RBM46: variants seen among roughly 807,000 people sequenced by gnomAD.
RBM46 encodes the protein probable RNA-binding protein 46.
Under a neutral mutation model 43.3 loss-of-function variants are expected in RBM46, and 12 were observed. That is an observed-to-expected ratio of 0.28 (90% CI 0.18 to 0.45). The LOEUF (loss-of-function observed/expected upper bound fraction) is 0.45, where lower values mean the gene tolerates loss of function less well. RBM46 is among the 20% of genes least tolerant of loss of function. The probability of loss-of-function intolerance (pLI) is 1.00; values close to 1 mark genes in which losing one functional copy is unlikely to be tolerated. For synonymous variants in RBM46, 205 were observed against 207.6 expected (o/e 0.99, Z 0.11); for missense variants, 412 against 639.1 (o/e 0.64, Z 3.83).
chr4:154,782,634 C>T (rs567638164), intron 1 of RBM46, among the ~76,000 whole-genome samples: 7 of 152,090 alleles, frequency 4.6e-5, no homozygotes, highest in African/African-American at 1.7e-4. Context: ...TACAGGCGCG[C>T]GCCACCACGC....
chr4:154,788,373 A>G (rs1733895061), intron 1 of RBM46, among the ~76,000 whole-genome samples: 1 of 152,188 alleles, frequency 6.6e-6, no homozygotes, highest in Non-Finnish European at 1.5e-5. Context: ...ATAAGGTGTA[A>G]GGAAGGGATC....
At chr4:154,822,643 G>T (rs1269159612) in intron 4 of RBM46, among the ~76,000 whole-genome samples, 2 of 151,456 alleles carry the variant, frequency 1.3e-5, no homozygotes, top group Admixed American at 1.3e-4. Context: ...GTTAGTTATG[G>T]TTATTGAATG....
intron 4 of RBM46, among the ~76,000 whole-genome samples, chr4:154,805,353 C>G (rs749264614): frequency 1.3e-5 from 2 of 151,946 alleles, no homozygotes; most frequent in Non-Finnish European, 2.9e-5. Context: ...AATATTCATT[C>G]TTACAATATC....
chr4:154,799,614 C>A, intron 4 of RBM46, 50 bp downstream of exon 4: 1 of 1,232,582 alleles, frequency 8.1e-7, no homozygotes, highest in Non-Finnish European at 1.1e-6. Flanking sequence ...TTAGGAAATA[C>A]TGTAGATTAT....
Position 154,827,849 on chromosome 4 carries a change from T to C in RBM46, c.1403-19T>C. 1 of 1,612,754 alleles carries C rather than the reference T, an allele frequency of 6.2e-7. No individual in the cohort carries two copies. The highest frequency in any genetic ancestry group is 8.5e-7 in the Non-Finnish European group (1 of 1,178,802). On this transcript the variant is annotated intron_variant, in intron 4 of 4. Coordinates refer to ENST00000281722, the MANE Select transcript of RBM46 (RefSeq NM_144979.5). ...TCCATAAAGATGTACAGCATAATTG[T>C]TCATGTATTTATTTACAGACTACAA...
chr4:154,816,118 G>A (rs1218136300), intron 4 of RBM46, among the ~76,000 whole-genome samples: 2 of 151,910 alleles, frequency 1.3e-5, no homozygotes, highest in Non-Finnish European at 2.9e-5. Context: ...GTTTGTTTTT[G>A]CACCAATACC....
intron 4 of RBM46, among the ~76,000 whole-genome samples, chr4:154,817,590 C>A (rs1735516076): frequency 6.6e-6 from 1 of 152,026 alleles, no homozygotes; most frequent in Non-Finnish European, 1.5e-5. Flanking sequence ...CCTTGGCCTC[C>A]CAAAGTGCTG....
chr4:154,805,854 TATAA>T (rs1734881395), intron 4 of RBM46, among the ~76,000 whole-genome samples: 1 of 151,946 alleles, frequency 6.6e-6, no homozygotes, highest in Non-Finnish European at 1.5e-5. Context: ...AGTTATAAAT[TATAA>T]ATAGAAGAAA....
chr4:154,782,141 C>G (rs1405450386), intron 1 of RBM46, among the ~76,000 whole-genome samples: 1 of 152,212 alleles, frequency 6.6e-6, no homozygotes, highest in East Asian at 1.9e-4. Flanking sequence ...TCGCCTCTCC[C>G]CCGACACACG....
At chr4:154,810,224 A>G (rs1455140604) in intron 4 of RBM46, among the ~76,000 whole-genome samples, 1 of 152,132 alleles carries the variant, frequency 6.6e-6, no homozygotes, top group African/African-American at 2.4e-5. Context: ...TCAAAATTGG[A>G]ATAAGAGTCT....
At chr4:154,815,918 G>A (rs886613597) in intron 4 of RBM46, among the ~76,000 whole-genome samples, 22 of 151,914 alleles carry the variant, frequency 1.4e-4, no homozygotes, top group African/African-American at 5.3e-4. Flanking sequence ...GTGACAATGC[G>A]AAGTATCAGA....
intron 3 of RBM46, 148 bp downstream of exon 3, chr4:154,798,426 A>T (rs1027184386): frequency 1.7e-6 from 1 of 601,588 alleles, no homozygotes; most frequent in Non-Finnish European, 2.7e-6. Flanking sequence ...AAATTACATG[A>T]TTCTAAAAGA....
At chr4:154,820,376 T>A in intron 4 of RBM46, 1 of 1,524,924 alleles carries the variant, frequency 6.6e-7, no homozygotes, top group Non-Finnish European at 8.8e-7. Flanking sequence ...GGGAACACAA[T>A]CTCTTCAGCC....
chr4:154,792,338 G>T (rs927966216), intron 1 of RBM46, among the ~76,000 whole-genome samples: 1 of 152,140 alleles, frequency 6.6e-6, no homozygotes, highest in Non-Finnish European at 1.5e-5. Context: ...AAGTAAAATG[G>T]AATTTCATAG....
chr4:154,827,514 A>C (rs750221650), intron 4 of RBM46: 128 of 1,022,262 alleles, frequency 1.3e-4, no homozygotes, highest in Non-Finnish European at 1.4e-4. Flanking sequence ...TCTTTTCTTC[A>C]TGGACTACCC....
At chr4:154,826,819 G>A (rs1052117842) in intron 4 of RBM46, 2 of 1,503,582 alleles carry the variant, frequency 1.3e-6, no homozygotes, top group Non-Finnish European at 1.8e-6. Flanking sequence ...TCTCATTCCT[G>A]TTGGCTAAAC....
chr4:154,802,898 TAA>T (rs974892960), intron 4 of RBM46, among the ~76,000 whole-genome samples: 6 of 152,208 alleles, frequency 3.9e-5, no homozygotes, highest in Admixed American at 6.5e-5. Context: ...ATATGTGATA[TAA>T]AGTCATTTTT....
intron 4 of RBM46, among the ~76,000 whole-genome samples, chr4:154,811,649 A>ATG (rs1491589375): frequency 1.5e-5 from 2 of 134,228 alleles, no homozygotes; most frequent in East Asian, 2.2e-4. Context: ...GGTAGATAGG[A>ATG]TATGTGTGTG....
intron 4 of RBM46, among the ~76,000 whole-genome samples, chr4:154,806,074 A>G (rs568032485): frequency 6.6e-6 from 1 of 151,884 alleles, no homozygotes; most frequent in Non-Finnish European, 1.5e-5. Context: ...CATTAACTCA[A>G]CTATGTGTCT....
Sources: allele counts gnomAD v4.1 joint callset (sites outside exome capture counted in the v4.1 genomes callset), GRCh38; gene constraint gnomAD v4.1.1; transcripts MANE v1.5; gene names NCBI Gene and HGNC (gene_info 2026-07-23, HGNC 2026-07-21).